Variants in USP45 observed in about 807,000 individuals in gnomAD.
The protein encoded by USP45 is ubiquitin specific peptidase 45.
Under a neutral mutation model 95.8 loss-of-function variants are expected in USP45, and 89 were observed. The ratio of observed to expected loss-of-function variants is 0.93; its 90% CI spans 0.78 to 1.11. The LOEUF (loss-of-function observed/expected upper bound fraction) is 1.11, where lower values mean the gene tolerates loss of function less well. Ranked by LOEUF, USP45 falls within the 50% of genes least tolerant of loss-of-function variation. The pLI, the probability that USP45 is intolerant of heterozygous loss-of-function variation, is 0.00. For missense variants in USP45, 898 were observed against 942.5 expected, an observed-to-expected ratio of 0.95 and a Z score of 0.62; for synonymous variants, 281 against 316.2, an observed-to-expected ratio of 0.89 and a Z score of 1.18.
chr6:99,507,527 C>T lies in USP45; in HGVS notation c.278G>A (p.Cys93Tyr). 3 of 1,602,882 alleles carry T rather than the reference C, an allele frequency of 1.9e-6. No homozygotes were observed. Among genetic ancestry groups the T allele is most frequent in the Non-Finnish European group, 2.6e-6 (3 of 1,171,910 alleles). The change falls in exon 4 of 18, where the codon TGT becomes TAT. Residue 93 changes from cysteine to tyrosine, a missense_variant. By Grantham distance (194) the Cys-to-Tyr change is radical. Transcript: ENST00000500704. ...WLCLKCGFQGCGKNSESQHSL... is the reference protein window; with the variant it reads ...WLCLKCGFQGYGKNSESQHSL... ...ATGTTGGCTTTCTGAGTTTTTACCA[C>T]ATCCCTGAAGATGAACAGAATTTTA...
chr6:99,465,136 T>A lies in USP45; in HGVS notation c.1108A>T (p.Ile370Phe), dbSNP rs1787602568. The A allele has an allele frequency of 6.3e-7, 1 of 1,591,222 alleles. No individual in the cohort carries two copies. The highest frequency in any genetic ancestry group is 8.6e-7 in the Non-Finnish European group (1 of 1,166,076). Residue 370 changes from isoleucine to phenylalanine, a missense_variant and splice_region_variant, in exon 12 of 18, where the codon ATC becomes TTC. Physicochemically the swap from Ile to Phe is conservative, Grantham distance 21. Coordinates refer to ENST00000500704, the MANE Select transcript of USP45 (RefSeq NM_001346022.3). ...ATGAATGGATCTTTCACCGTGGAGA[T>A]CTTAAAAGGAAAACACATTGAAAAC... Reference protein sequence around the residue: ...STVMCEECANISTVKDPFIDI... With the variant: ...STVMCEECANFSTVKDPFIDI...
intron 7 of USP45, among the ~76,000 whole-genome samples, chr6:99,484,789 C>CAAA (rs754506826): frequency 1.1e-5 from 1 of 88,868 alleles, no homozygotes; most frequent in Non-Finnish European, 2.3e-5. Context: ...AGACTGTCTC[C>CAAA]AAAAAAAAAA....
Position 99,482,788 on chromosome 6 carries a change from A to C in USP45, c.810T>G (p.Leu270=). Residue 270 remains leucine (L), a synonymous_variant, in exon 8 of 18, where the codon CTT becomes CTG. Coordinates refer to ENST00000500704, the MANE Select transcript of USP45 (RefSeq NM_001346022.3). ...GCTGATTAAAAAGAACTTTAGGAGA[A>C]AGTGGTCCTTTTTCAGTCTCCTTCA... The part of the protein sequence containing the change: ...HSMKETEKGP[L]SPKVLFNQLC... The C allele has an allele frequency of 6.2e-7, 1 of 1,606,060 alleles. No homozygotes were observed. The highest frequency in any genetic ancestry group is 1.1e-5 in the South Asian group (1 of 89,128).
At chr6:99,461,941 A>G in intron 13 of USP45, 10 of 985,380 alleles carry the variant, frequency 1.0e-5, no homozygotes, top group Non-Finnish European at 1.2e-5. Context: ...CCATGATTAA[A>G]CTGGTTCTGT....
intron 5 of USP45, among the ~76,000 whole-genome samples, chr6:99,494,692 G>A (rs976893731): frequency 3.9e-5 from 6 of 152,078 alleles, no homozygotes; most frequent in African/African-American, 9.7e-5. Flanking sequence ...TCAGGAGTTC[G>A]AGACCAGCCT....
intron 5 of USP45, among the ~76,000 whole-genome samples, chr6:99,493,026 CTTAAT>C (rs1795527089): frequency 1.3e-5 from 2 of 151,678 alleles, no homozygotes; most frequent in South Asian, 4.2e-4. Flanking sequence ...GACCTTAGGC[CTTAAT>C]TTTTTTTTTT....
At chr6:99,443,878 T>A (rs899071286) in intron 14 of USP45, among the ~76,000 whole-genome samples, 1 of 151,984 alleles carries the variant, frequency 6.6e-6, no homozygotes, top group Non-Finnish European at 1.5e-5. Flanking sequence ...GAACAAAGAA[T>A]AGGAGAGGTA....
At chr6:99,496,140 C>T (rs1272312865) in intron 5 of USP45, among the ~76,000 whole-genome samples, 1 of 151,898 alleles carries the variant, frequency 6.6e-6, no homozygotes, top group Non-Finnish European at 1.5e-5. Flanking sequence ...ACTGTATTAC[C>T]TCTTAAAAAA....
chr6:99,464,716 T>C lies in USP45; in HGVS notation c.1196A>G (p.Asn399Ser), dbSNP rs142018914. The C allele has an allele frequency of 1.9e-4, 311 of 1,610,470 alleles. 2 individuals carry two copies. The Middle Eastern group carries it at 2.8e-3, about 15-fold the overall frequency. ...VSKPLLWGRM[N>S]KYRSLRETDH... ...TGTCTCCCGTAAACTTCTATATTTA[T>C]TCATTCTTCCCCAAAGTAAAGGTTT... Residue 399 changes from asparagine (N) to serine (S), a missense_variant, in exon 13 of 18, where the codon AAT becomes AGT. Physicochemically the swap from Asn to Ser is conservative, Grantham distance 46. Transcript: ENST00000500704.
At chr6:99,515,661 G>A (rs1411315093), upstream of USP45, among the ~76,000 whole-genome samples, 1 of 152,118 alleles carries the variant, frequency 6.6e-6, no homozygotes, top group East Asian at 1.9e-4. Context: ...TAGGATCCTG[G>A]GCCAGCGTGC....
chr6:99,493,855 T>A (rs1795739132), intron 5 of USP45, among the ~76,000 whole-genome samples: 1 of 152,218 alleles, frequency 6.6e-6, no homozygotes, highest in Non-Finnish European at 1.5e-5. Context: ...TTTTGATCAT[T>A]TTGTTTTCAG....
intron 4 of USP45, among the ~76,000 whole-genome samples, chr6:99,506,787 A>T (rs1798616735): frequency 1.3e-5 from 2 of 152,220 alleles, no homozygotes; most frequent in Admixed American, 1.3e-4. Context: ...TCCCTTCAGA[A>T]AATGACCTGA....
At chr6:99,489,859 G>A (rs975859378) in intron 5 of USP45, among the ~76,000 whole-genome samples, 2 of 152,148 alleles carry the variant, frequency 1.3e-5, no homozygotes. Flanking sequence ...GTTGAGGCAT[G>A]AGAATCACTT....
At chr6:99,472,884 A>G (rs555558352) in intron 9 of USP45, among the ~76,000 whole-genome samples, 1 of 152,360 alleles carries the variant, frequency 6.6e-6, no homozygotes, top group South Asian at 2.1e-4. Context: ...TTATAGAATT[A>G]GAAAGATCAT....
chr6:99,480,214 T>C (rs1029624729), intron 8 of USP45, among the ~76,000 whole-genome samples: 1 of 152,190 alleles, frequency 6.6e-6, no homozygotes, highest in African/African-American at 2.4e-5. Flanking sequence ...GCGGGATTTG[T>C]ATGCTGAAAA....
intron 8 of USP45, 109 bp downstream of exon 8, chr6:99,482,640 TAGTC>T (rs745863236): frequency 6.1e-5 from 64 of 1,053,342 alleles, no homozygotes; most frequent in African/African-American, 1.8e-4. Flanking sequence ...GTTCTCTTCA[TAGTC>T]AGGGCAATAA....
chr6:99,507,662 A>C, intron 3 of USP45, 131 bp from the exon 4 acceptor site: 1 of 606,564 alleles, frequency 1.6e-6, no homozygotes, highest in Non-Finnish European at 2.9e-6. Context: ...GAAAGTTTCA[A>C]AAAAGTAATA....
At chr6:99,470,083 G>A (rs1365066841) in intron 9 of USP45, among the ~76,000 whole-genome samples, 1 of 151,990 alleles carries the variant, frequency 6.6e-6, no homozygotes, top group Non-Finnish European at 1.5e-5. Context: ...AGCATGGTTA[G>A]GAGGAATTCC....
intron 8 of USP45, among the ~76,000 whole-genome samples, chr6:99,476,881 A>G (rs1791009351): frequency 6.6e-6 from 1 of 152,206 alleles, no homozygotes; most frequent in Non-Finnish European, 1.5e-5. Flanking sequence ...TTGATAATTA[A>G]ATTTCCTCTG....
Sources: gnomAD v4.1 joint callset for allele counts (sites outside exome capture counted in the v4.1 genomes callset) on GRCh38, gnomAD v4.1.1 for gene constraint, MANE v1.5 for transcripts, NCBI Gene and HGNC (gene_info 2026-07-23, HGNC 2026-07-21) for gene names.